Variants in TAF3 observed in about 807,000 individuals in gnomAD.
The protein encoded by TAF3 is TATA-box binding protein associated factor 3, also known as transcription initiation factor TFIID subunit 3.
In TAF3, 7 loss-of-function variants were observed where a neutral mutation model predicts 80.6. The ratio of observed to expected loss-of-function variants is 0.09; its 90% CI spans 0.05 to 0.16. TAF3 has a LOEUF of 0.16. Ranked by LOEUF, TAF3 falls within the 10% of genes least tolerant of loss-of-function variation. The probability of loss-of-function intolerance (pLI) is 1.00; values close to 1 mark genes in which losing one functional copy is unlikely to be tolerated. For synonymous variants in TAF3, 444 were observed against 446.1 expected (o/e 1.00, Z 0.06); for missense variants, 921 against 1,140.2 (o/e 0.81, Z 2.77).
chr10:7,918,367 C>T (rs898541163), intron 2 of TAF3, among the ~76,000 whole-genome samples: 1 of 152,164 alleles, frequency 6.6e-6, no homozygotes, highest in Non-Finnish European at 1.5e-5. Context: ...AAAGAGGGTC[C>T]AATGCAGTGC....
intron 2 of TAF3, among the ~76,000 whole-genome samples, chr10:7,846,149 G>A (rs547837820): frequency 7.7e-4 from 117 of 152,008 alleles, no homozygotes; most frequent in African/African-American, 2.6e-3. Context: ...GGTAGAGATG[G>A]GGTTTCACCG....
At chr10:7,873,627 C>G (rs1033128505) in intron 2 of TAF3, among the ~76,000 whole-genome samples, 3 of 149,056 alleles carry the variant, frequency 2.0e-5, no homozygotes, top group South Asian at 2.1e-4. Flanking sequence ...TCCCCCCCCC[C>G]CCGTCAAAAG....
Position 7,964,009 on chromosome 10 carries a change from G to A in TAF3, c.499G>A (p.Glu167Lys), listed in dbSNP as rs775054550. 1 of 1,614,142 alleles carries A rather than the reference G, an allele frequency of 6.2e-7. No individual in the cohort carries two copies. The highest frequency in any genetic ancestry group is 1.1e-5 in the South Asian group (1 of 91,068). The stretch of plus-strand genomic sequence containing the variant: ...GGAAGAAGATGATGAATTGGAGGAG[G>A]AAGAAATTATTAATGATGAGAATTT... ...PLEEDDELEEEEIINDENFLG... is the reference protein window; with the variant it reads ...PLEEDDELEEKEIINDENFLG... The change falls in exon 3 of 7, where the codon GAA (glutamate) becomes AAA (lysine). Residue 167 changes from glutamate to lysine, a missense_variant. Around this residue, in one of 6 missense-constraint regions of TAF3, gnomAD observed 743 missense variants for 821.0 expected, o/e 0.90. Coordinates refer to ENST00000344293, the MANE Select transcript of TAF3 (RefSeq NM_031923.4). The surrounding 1 kb of genome is among the most constrained non-coding windows in gnomAD (Gnocchi z 4.1).
Position 8,009,054 on chromosome 10 carries a change from T to C in TAF3, c.2316-24T>C, listed in dbSNP as rs374703026. The C allele has an allele frequency of 8.2e-6, 13 of 1,583,202 alleles. No homozygotes were observed. The highest frequency in any genetic ancestry group is 1.1e-5 in the Non-Finnish European group (13 of 1,163,750). On this transcript the variant is annotated intron_variant, in intron 4 of 6. Coordinates refer to ENST00000344293, the MANE Select transcript of TAF3 (RefSeq NM_031923.4). The surrounding 1 kb of genome is among the most constrained non-coding windows in gnomAD (Gnocchi z 4.1). Reference sequence around the variant, plus strand: ...TCGATGATGATCCTGTTTTGACTTTTACCTTCTCTTCTTTTGTTGACAGTG... The same window carrying C: ...TCGATGATGATCCTGTTTTGACTTTCACCTTCTCTTCTTTTGTTGACAGTG...
chr10:7,940,094 T>C (rs1371730614), intron 2 of TAF3, among the ~76,000 whole-genome samples: 8 of 152,188 alleles, frequency 5.3e-5, no homozygotes, highest in Non-Finnish European at 1.0e-4. Context: ...GGACTGCAAT[T>C]CATAATGGAG....
chr10:8,016,285 G>A lies in TAF3; in HGVS notation c.*1534G>A, dbSNP rs1321605893. 6.6e-6 allele frequency: 1 copy of A among 152,132 alleles called. No individual in the cohort carries two copies. Among genetic ancestry groups the A allele is most frequent in the Non-Finnish European group, 1.5e-5 (1 of 68,034 alleles). 9.4% of individuals were successfully genotyped at this position (152,132 alleles called of 1,614,324 possible). On this transcript the variant is annotated 3_prime_UTR_variant, in exon 7 of 7. Coordinates refer to ENST00000344293, the MANE Select transcript of TAF3 (RefSeq NM_031923.4). ...AAAATGTGATTTTTTTAAATGCCAA[G>A]TAAATTGATATTAGTGTATGAATTA...
intron 4 of TAF3, among the ~76,000 whole-genome samples, chr10:7,978,993 A>T (rs1325463356): frequency 1.3e-5 from 2 of 151,992 alleles, no homozygotes; most frequent in Non-Finnish European, 2.9e-5. Context: ...GTGAGCTATG[A>T]TCGTGCCCAC....
chr10:7,999,458 G>GTTTTT lies in TAF3; in HGVS notation c.2316-9608_2316-9604dup, dbSNP rs372902098. Among the ~76,000 whole-genome samples the GTTTTT allele has an allele frequency of 5.8e-3, 771 of 133,046 alleles. 15 individuals carry two copies. The highest frequency in any genetic ancestry group is 0.021 in the African/African-American group (734 of 35,772). The allele number at this position is 133,046 out of a possible 152,430, so 87.3% of individuals were successfully genotyped here. A position where few individuals can be genotyped will look rare whatever the true frequency, so the allele number is the denominator to read the frequency against. On this transcript the variant is annotated intron_variant, in intron 4 of 6. Transcript: ENST00000344293. ...AAAAAAGAAAGAAAGAAAGAAAGAA[G>GTTTTT]TTTTTTTTTTTTTTTTGAGATGGAG...
chr10:7,914,312 T>G lies in TAF3; in HGVS notation c.410-49608T>G, dbSNP rs79913420. On this transcript the variant is annotated intron_variant, in intron 2 of 6. Transcript: ENST00000344293. ...GAGGAAAATGGTTGGTTTCTCATCC[T>G]TCAAGTATTGGCTTATGTTAACCCC... 3.8e-3 allele frequency among the ~76,000 whole-genome samples: 578 copies of G among 152,396 alleles called. 3 individuals are homozygous for G. The highest frequency in any genetic ancestry group is 0.013 in the African/African-American group (552 of 41,604).
chr10:7,923,682 C>T (rs998509234), intron 2 of TAF3, among the ~76,000 whole-genome samples: 1 of 151,152 alleles, frequency 6.6e-6, no homozygotes, highest in Admixed American at 6.6e-5. Context: ...GATGGCAAAA[C>T]TTTTTTGAAA....
chr10:7,977,876 GTTTA>G (rs1043311091), intron 4 of TAF3, among the ~76,000 whole-genome samples: 2 of 152,110 alleles, frequency 1.3e-5, no homozygotes, highest in African/African-American at 4.8e-5. Flanking sequence ...CACGTTTGCT[GTTTA>G]TTTGTCTTAA....
intron 2 of TAF3, among the ~76,000 whole-genome samples, chr10:7,960,061 A>G (rs968077444): frequency 9.9e-5 from 15 of 152,176 alleles, no homozygotes; most frequent in African/African-American, 2.9e-4. Flanking sequence ...ATGCACCATA[A>G]CATACTCTAA....
Position 7,965,456 on chromosome 10 carries a change from C to A in TAF3, c.1946C>A (p.Ala649Asp). Residue 649 changes from alanine (A) to aspartate (D), a missense_variant, in exon 3 of 7, where the codon GCC (alanine) becomes GAC (aspartate). Ala to Asp is a moderately radical substitution (Grantham distance 126, BLOSUM62 -2). Coordinates refer to ENST00000344293, the MANE Select transcript of TAF3 (RefSeq NM_031923.4). ...KDKGREDKMKAPAPPLVLPPK... is the reference protein window; with the variant it reads ...KDKGREDKMKDPAPPLVLPPK... ...AAAGGCAGAGAAGATAAGATGAAAG[C>A]CCCAGCACCCCCACTGGTGTTGCCC... 1.2e-6 allele frequency: 2 copies of A among 1,613,360 alleles called. No individual in the cohort carries two copies. Among genetic ancestry groups the A allele is most frequent in the Non-Finnish European group, 1.7e-6 (2 of 1,179,860 alleles).
chr10:8,000,360 G>A (rs374330193), intron 4 of TAF3, among the ~76,000 whole-genome samples: 5 of 152,130 alleles, frequency 3.3e-5, no homozygotes, highest in South Asian at 2.1e-4. Flanking sequence ...CAGGTGATCC[G>A]CCTGTGTTGG....
chr10:7,858,438 A>G (rs915892970), intron 2 of TAF3, among the ~76,000 whole-genome samples: 4 of 152,198 alleles, frequency 2.6e-5, no homozygotes, highest in African/African-American at 7.2e-5. Flanking sequence ...CTAGGCTACA[A>G]TTATGATCAT....
At chr10:7,819,092 G>T (rs931335669) in intron 1 of TAF3, among the ~76,000 whole-genome samples, 2 of 152,014 alleles carry the variant, frequency 1.3e-5, no homozygotes, top group Admixed American at 1.3e-4. Flanking sequence ...CCCGCCACCA[G>T]CCCGGGAGTC....
At chr10:7,961,436 G>C (rs372433356) in intron 2 of TAF3, among the ~76,000 whole-genome samples, 1 of 152,180 alleles carries the variant, frequency 6.6e-6, no homozygotes. Flanking sequence ...CCTCATCCTC[G>C]TTGACCTCTT....
At chr10:7,983,815 G>A (rs1313665127) in intron 4 of TAF3, among the ~76,000 whole-genome samples, 1 of 151,622 alleles carries the variant, frequency 6.6e-6, no homozygotes, top group Non-Finnish European at 1.5e-5. Context: ...CTCCAGCCTG[G>A]GGGACAGAGT....
chr10:7,912,933 A>C (rs1477497503), intron 2 of TAF3, among the ~76,000 whole-genome samples: 1 of 152,164 alleles, frequency 6.6e-6, no homozygotes, highest in Non-Finnish European at 1.5e-5. Context: ...AAAATGCCAC[A>C]GACTGGGTGG....
Sources: allele counts gnomAD v4.1 joint callset (sites outside exome capture counted in the v4.1 genomes callset), GRCh38; gene constraint gnomAD v4.1.1; regional missense constraint gnomAD v4.1.1; non-coding constraint Gnocchi (gnomAD v3.1); transcripts MANE v1.5; gene names NCBI Gene and HGNC (gene_info 2026-07-23, HGNC 2026-07-21).